The following ZFR2 variants were observed in gnomAD, a reference collection of about 807,000 sequenced individuals.
ZFR2 encodes the protein zinc finger RNA-binding protein 2.
A neutral mutation model predicts 105.7 loss-of-function variants in ZFR2; 104 were observed. The ratio of observed to expected loss-of-function variants is 0.98; its 90% CI spans 0.84 to 1.16. ZFR2 has a LOEUF of 1.16. ZFR2 is among the 50% of genes most tolerant of loss of function. ZFR2 has a pLI of 0.00. For synonymous variants in ZFR2, 634 were observed against 597.7 expected (o/e 1.06, Z -0.89); for missense variants, 1,425 against 1,355.5 (o/e 1.05, Z -0.80).
At position 3,823,020 on chromosome 19, in the gene ZFR2, G is replaced by A. The variant is rs2037911768; in HGVS notation, c.1371+226C>T. ...TTGGGAATGCCTCGGCCTGTCTCTG[G>A]CCCTCACGGGGCCATATTCATTTCC... On this transcript the variant is annotated intron_variant, in intron 8 of 18. Transcript: ENST00000262961. This position sits in a 1 kb window ranked among gnomAD's most constrained non-coding sequence, Gnocchi z 5.4. 6.6e-6 allele frequency among the ~76,000 whole-genome samples: 1 copy of A among 152,224 alleles called. No individual in the cohort carries two copies. Among genetic ancestry groups the A allele is most frequent in the Non-Finnish European group, 1.5e-5 (1 of 68,046 alleles).
chr19:3,842,020 T>A (rs912989449), intron 1 of ZFR2, among the ~76,000 whole-genome samples: 4 of 151,656 alleles, frequency 2.6e-5, no homozygotes, highest in Admixed American at 2.6e-4. Context: ...CTTTTTTTTT[T>A]TTATTTTTTT....
At chr19:3,820,631 G>A (rs1255259900) in intron 10 of ZFR2, among the ~76,000 whole-genome samples, 1 of 152,118 alleles carries the variant, frequency 6.6e-6, no homozygotes, top group African/African-American at 2.4e-5. Flanking sequence ...GATGGACACA[G>A]GGGACACTGG....
rs76765114 is a variant in ZFR2, at chr19:3,830,464, A to G, written c.852+839T>C. ...AAGAAACTCAAACTTCTATGCGAGC[A>G]CTCTGCAAAGAAGGCCGGGGTCTCT... On this transcript the variant is annotated intron_variant, in intron 5 of 18. Coordinates refer to ENST00000262961, the MANE Select transcript of ZFR2 (RefSeq NM_015174.2). Among the ~76,000 whole-genome samples the G allele has an allele frequency of 9.4e-3, 1,435 of 152,124 alleles. 31 individuals are homozygous for G. Among genetic ancestry groups the G allele is most frequent in the East Asian group, 0.041 (212 of 5,164 alleles).
chr19:3,825,842 G>A (rs13382169), intron 6 of ZFR2, among the ~76,000 whole-genome samples: 1,640 of 152,256 alleles, frequency 0.011, 37 homozygotes, highest in African/African-American at 0.038. Flanking sequence ...CTGCACGCAC[G>A]TGTGCACATG....
rs118128672 is a variant in ZFR2 at position 3,838,107 on chromosome 19, G to A, written c.54-3124C>T. On this transcript the variant is annotated intron_variant, in intron 1 of 18. Coordinates refer to ENST00000262961, the MANE Select transcript of ZFR2 (RefSeq NM_015174.2). The surrounding 1 kb of genome is among the most constrained non-coding windows in gnomAD (Gnocchi z 4.9). The stretch of plus-strand genomic sequence containing the variant: ...GTGACACGCGATGAACACCGTGACC[G>A]TGACACTCGATGAACACCGTGACTG... Among the ~76,000 whole-genome samples, 658 of 149,612 alleles carry A rather than the reference G, an allele frequency of 4.4e-3. 3 individuals are homozygous for A. Among genetic ancestry groups the A allele is most frequent in the South Asian group, 0.011 (52 of 4,710 alleles).
At chr19:3,864,239 T>C (rs1381398585) in intron 1 of ZFR2, among the ~76,000 whole-genome samples, 1 of 151,864 alleles carries the variant, frequency 6.6e-6, no homozygotes, top group Non-Finnish European at 1.5e-5. Flanking sequence ...TCGCCAGGCA[T>C]GGTGGTGCGC....
Position 3,831,541 on chromosome 19 carries a change from T to C in ZFR2, c.614A>G (p.Asn205Ser). Residue 205 changes from asparagine to serine, a missense_variant, in exon 5 of 19, where the codon AAC becomes AGC. By Grantham distance (46) the Asn-to-Ser change is conservative. Transcript: ENST00000262961. ...AGCGGAGTACACCGACGCGTCATAG[T>C]TCGGGTAGCTTGGTGCTGAGCAGCA... ...CTAYTAPSYP[N>S]YDASVYSAAS... 1 of 1,562,174 alleles carries C rather than the reference T, an allele frequency of 6.4e-7. No homozygotes were observed. The highest frequency in any genetic ancestry group is 8.7e-7 in the Non-Finnish European group (1 of 1,153,752).
At position 3,819,422 on chromosome 19, in the gene ZFR2, C is replaced by CT. The variant is rs3214205; in HGVS notation, c.1741-188_1741-187insA. On this transcript the variant is annotated intron_variant, in intron 11 of 18. Transcript: ENST00000262961. ...AACAGGGAAGTACCTCGGGCTGCCC[C>CT]GATGGCTGCAGGAAGCTCGGGTCTG... 1.1e-3 allele frequency among the ~76,000 whole-genome samples: 160 copies of CT among 152,196 alleles called. No homozygotes were observed. In the East Asian group the frequency reaches 0.018, roughly 17 times the overall value.
rs1220206688 is a variant in ZFR2 at position 3,819,059 on chromosome 19, C to A, written c.1917G>T (p.Glu639Asp). The change falls in exon 12 of 19, where the codon GAG (glutamate) becomes GAT (aspartate). Residue 639 changes from glutamate to aspartate, a missense_variant. Physicochemically the swap from Glu to Asp is conservative, Grantham distance 45. Transcript: ENST00000262961. ...TCTCCAATGACCTGCGCTTGTCACC[C>A]TCTTCCTCTCGGCGGCCCCGGTCCT... is the stretch of plus-strand genomic sequence containing the variant. Reference protein sequence around the residue: ...AEEDRGRREEEGDKRSSVAPQ... With the variant: ...AEEDRGRREEDGDKRSSVAPQ... 6.2e-7 allele frequency: 1 copy of A among 1,612,496 alleles called. No individual in the cohort carries two copies. The highest frequency in any genetic ancestry group is 1.1e-5 in the South Asian group (1 of 90,982).
At chr19:3,851,400 T>A (rs2038236475) in intron 1 of ZFR2, among the ~76,000 whole-genome samples, 1 of 152,218 alleles carries the variant, frequency 6.6e-6, no homozygotes, top group Admixed American at 6.5e-5. Context: ...AAGGGAACAC[T>A]TGGCCTGCCT....
rs577342013 is a variant in ZFR2 at position 3,852,530 on chromosome 19, G to A, written c.53+16435C>T. The A allele has an allele frequency of 4.9e-4, 351 of 718,618 alleles. 1 individual carries two copies. The highest frequency in any genetic ancestry group is 4.8e-3 in the African/African-American group (274 of 57,384). The allele number at this position is 718,618 out of a possible 1,614,324, so 44.5% of individuals were successfully genotyped here. On this transcript the variant is annotated intron_variant, in intron 1 of 18. Transcript: ENST00000262961. Reference sequence around the variant, plus strand: ...AGCTTGGGCACAGGGCAGTCACAGCGTCACTTCCACTGCAGCCAACTGTCC... The same window carrying A: ...AGCTTGGGCACAGGGCAGTCACAGCATCACTTCCACTGCAGCCAACTGTCC...
At chr19:3,868,876 G>T in intron 1 of ZFR2, 89 bp downstream of exon 1, 1 of 1,085,020 alleles carries the variant, frequency 9.2e-7, no homozygotes, top group South Asian at 4.3e-5. Context: ...GGCCGGGCCG[G>T]GCGCACGCGG....
At position 3,805,980 on chromosome 19, in the gene ZFR2, C is replaced by T. The variant is rs756108100; in HGVS notation, c.2789G>A (p.Arg930Gln). 1.2e-4 allele frequency: 182 copies of T among 1,541,652 alleles called. No individual in the cohort carries two copies. The highest frequency in any genetic ancestry group is 1.8e-4 in the Middle Eastern group (1 of 5,456). The change falls in exon 19 of 19, where the codon CGG (arginine) becomes CAG (glutamine). Residue 930 changes from arginine (R) to glutamine (Q), a missense_variant. Arg to Gln is a conservative substitution (Grantham distance 43). Coordinates refer to ENST00000262961, the MANE Select transcript of ZFR2 (RefSeq NM_015174.2). Reference protein sequence around the residue: ...EGEEGAGEKKRGRRGGEGLV With the variant: ...EGEEGAGEKKQGRRGGEGLV ...GAGCCCCTCTCCGCCCCGCCGGCCC[C>T]GCTTCTTCTCCCCTGCGCCCTCCTC...
chr19:3,827,113 A>G (rs1350231971), intron 6 of ZFR2, among the ~76,000 whole-genome samples: 1 of 152,104 alleles, frequency 6.6e-6, no homozygotes, highest in Non-Finnish European at 1.5e-5. Context: ...GCGGTGGCGG[A>G]TGCCTGTGAT....
Position 3,831,543 on chromosome 19 carries a change from C to A in ZFR2, c.612G>T (p.Pro204=). ...TCTAYTAPSY[P]NYDASVYSAA... is the part of the protein sequence containing the mutation. ...CGGAGTACACCGACGCGTCATAGTTCGGGTAGCTTGGTGCTGAGCAGCAGA... is the reference window on the plus strand; with the variant it reads ...CGGAGTACACCGACGCGTCATAGTTAGGGTAGCTTGGTGCTGAGCAGCAGA... The change falls in exon 5 of 19, where the codon CCG becomes CCT. Residue 204 remains proline, a synonymous_variant. Transcript: ENST00000262961. 6.4e-7 allele frequency: 1 copy of A among 1,562,802 alleles called. No individual in the cohort carries two copies. The highest frequency in any genetic ancestry group is 8.7e-7 in the Non-Finnish European group (1 of 1,154,030).
intron 1 of ZFR2, among the ~76,000 whole-genome samples, chr19:3,841,146 G>A (rs568055122): frequency 6.6e-6 from 1 of 152,352 alleles, no homozygotes; most frequent in South Asian, 2.1e-4. Flanking sequence ...AAAGTTTGAG[G>A]ATTCTGCCTC....
At position 3,804,176 on chromosome 19, in the gene ZFR2, T is replaced by C. The variant is rs1317750094; in HGVS notation, c.*1773A>G. 6.6e-6 allele frequency: 1 copy of C among 152,138 alleles called. No homozygotes were observed. Among genetic ancestry groups the C allele is most frequent in the Non-Finnish European group, 1.5e-5 (1 of 68,068 alleles). 9.4% of individuals were successfully genotyped at this position (152,138 alleles called of 1,614,324 possible). On this transcript the variant is annotated 3_prime_UTR_variant, in exon 19 of 19. Coordinates refer to ENST00000262961, the MANE Select transcript of ZFR2 (RefSeq NM_015174.2). ...TCACATCTGCCCAAAGGTGGACTTTTCTCATTCAATGCCACTGGGCAGCTG... is the reference window on the plus strand; with the variant it reads ...TCACATCTGCCCAAAGGTGGACTTTCCTCATTCAATGCCACTGGGCAGCTG...
Position 3,834,748 on chromosome 19 carries a change from G to A in ZFR2, c.264+25C>T, listed in dbSNP as rs773430957. ...AAGGCGACCCACGTTTCCCGGCAAC[G>A]CTGGTCAAAGAAAGGACTGGATACC... On this transcript the variant is annotated intron_variant, in intron 2 of 18. Transcript: ENST00000262961. The surrounding 1 kb of genome is among the most constrained non-coding windows in gnomAD (Gnocchi z 5.3). 35 of 1,608,188 alleles carry A rather than the reference G, an allele frequency of 2.2e-5. No homozygotes were observed. The East Asian group carries it at 2.5e-4, about 11-fold the overall frequency.
intron 1 of ZFR2, among the ~76,000 whole-genome samples, chr19:3,864,492 C>G (rs1041562742): frequency 4.6e-5 from 7 of 152,234 alleles, no homozygotes; most frequent in African/African-American, 1.7e-4. Context: ...TGCAAAGGCA[C>G]AGCTAGCCGA....
Sources: gnomAD v4.1 joint callset for allele counts (sites outside exome capture counted in the v4.1 genomes callset) on GRCh38, gnomAD v4.1.1 for gene constraint, Gnocchi (gnomAD v3.1) non-coding constraint, MANE v1.5 for transcripts, NCBI Gene and HGNC (gene_info 2026-07-23, HGNC 2026-07-21) for gene names.